LRRTM3: variants seen among roughly 807,000 people sequenced by gnomAD.
LRRTM3 encodes leucine rich repeat transmembrane neuronal 3.
In LRRTM3, 24 loss-of-function variants were observed where a neutral mutation model predicts 44.7. The ratio of observed to expected loss-of-function variants is 0.54; its 90% CI spans 0.39 to 0.76. The LOEUF is 0.76. Among genes scored for constraint, LRRTM3 ranks in the 30% least tolerant of loss-of-function variants. The probability of loss-of-function intolerance (pLI) is 0.00; values close to 1 mark genes in which losing one functional copy is unlikely to be tolerated. For missense variants in LRRTM3, 587 were observed against 702.2 expected (o/e 0.84, Z 1.85); for synonymous variants, 277 against 278.7 (o/e 0.99, Z 0.06).
intron 2 of LRRTM3, among the ~76,000 whole-genome samples, chr10:66,966,616 C>T (rs1589509883): frequency 6.6e-6 from 1 of 151,918 alleles, no homozygotes; most frequent in African/African-American, 2.4e-5. Flanking sequence ...ATAGATCATA[C>T]ACCTAATTTA....
At chr10:67,072,492 AC>A (rs1268164559) in intron 2 of LRRTM3, among the ~76,000 whole-genome samples, 1 of 152,172 alleles carries the variant, frequency 6.6e-6, no homozygotes, top group Non-Finnish European at 1.5e-5. Context: ...AGAATTCCAA[AC>A]GATATCTTCC....
chr10:66,994,906 C>G (rs564238480), intron 2 of LRRTM3, among the ~76,000 whole-genome samples: 1 of 152,270 alleles, frequency 6.6e-6, no homozygotes, highest in South Asian at 2.1e-4. Flanking sequence ...CCAAATGCAA[C>G]AAGTGGAAAA....
chr10:67,010,304 A>C (rs1462081716), intron 2 of LRRTM3, among the ~76,000 whole-genome samples: 1 of 152,214 alleles, frequency 6.6e-6, no homozygotes, highest in Non-Finnish European at 1.5e-5. Flanking sequence ...AGTTAGAATA[A>C]TCTTTGGATA....
intron 2 of LRRTM3, among the ~76,000 whole-genome samples, chr10:66,986,083 A>T (rs1364846466): frequency 6.6e-6 from 1 of 151,978 alleles, no homozygotes; most frequent in Non-Finnish European, 1.5e-5. Context: ...TTTTCTTTTT[A>T]GTTTGTGCAT....
chr10:67,031,752 A>T (rs948313692), intron 2 of LRRTM3, among the ~76,000 whole-genome samples: 1 of 152,166 alleles, frequency 6.6e-6, no homozygotes, highest in South Asian at 2.1e-4. Flanking sequence ...TGTGTTAAAG[A>T]TCTAAGAAAT....
intron 2 of LRRTM3, among the ~76,000 whole-genome samples, chr10:67,060,890 T>C (rs1855720258): frequency 6.6e-6 from 1 of 152,196 alleles, no homozygotes. Context: ...TTTTTTTAAA[T>C]TGTTTTTGAC....
intron 2 of LRRTM3, among the ~76,000 whole-genome samples, chr10:67,037,262 A>G (rs1401200808): frequency 4.6e-5 from 7 of 152,102 alleles, no homozygotes; most frequent in Non-Finnish European, 1.0e-4. Context: ...CTTTAGAGAT[A>G]TTTAATCATT....
intron 1 of LRRTM3, 26 bp from the exon 2 acceptor site, chr10:66,926,895 C>T: frequency 6.5e-7 from 1 of 1,531,132 alleles, no homozygotes; most frequent in Non-Finnish European, 8.8e-7. Context: ...GGGGGGATAA[C>T]TTTTCTAAGT....
intron 2 of LRRTM3, among the ~76,000 whole-genome samples, chr10:66,939,749 C>T (rs1358462711): frequency 6.6e-6 from 1 of 152,100 alleles, no homozygotes; most frequent in Non-Finnish European, 1.5e-5. Context: ...ACGTGATAAA[C>T]AAATTGAAAT....
chr10:67,016,226 A>G (rs1294688944), intron 2 of LRRTM3, among the ~76,000 whole-genome samples: 2 of 152,208 alleles, frequency 1.3e-5, no homozygotes, highest in Non-Finnish European at 2.9e-5. Context: ...CAACTGACCA[A>G]GTAGTACAAT....
intron 2 of LRRTM3, among the ~76,000 whole-genome samples, chr10:67,057,819 A>C: frequency 6.6e-6 from 1 of 152,124 alleles, no homozygotes; most frequent in East Asian, 1.9e-4. Flanking sequence ...CTCTTTTGCC[A>C]TCCCTTGAGG....
intron 2 of LRRTM3, among the ~76,000 whole-genome samples, chr10:66,939,297 A>G (rs912702592): frequency 2.0e-5 from 3 of 151,798 alleles, no homozygotes; most frequent in African/African-American, 7.3e-5. Context: ...TTTGCACTAC[A>G]TTTCTTTTTC....
chr10:67,064,330 T>C (rs547074207), intron 2 of LRRTM3, among the ~76,000 whole-genome samples: 1 of 152,326 alleles, frequency 6.6e-6, no homozygotes, highest in South Asian at 2.1e-4. Flanking sequence ...TTTTCTACAA[T>C]GATCCATCCC....
At chr10:67,079,052 C>T (rs909016880) in intron 2 of LRRTM3, among the ~76,000 whole-genome samples, 1 of 152,102 alleles carries the variant, frequency 6.6e-6, no homozygotes, top group Non-Finnish European at 1.5e-5. Flanking sequence ...AGAATGTACA[C>T]TATGAATTTC....
chr10:67,073,680 G>C (rs560084713), intron 2 of LRRTM3, among the ~76,000 whole-genome samples: 2 of 151,712 alleles, frequency 1.3e-5, no homozygotes, highest in African/African-American at 4.8e-5. Flanking sequence ...TATCTAGTGA[G>C]GTGTTTTTAA....
chr10:66,931,915 C>T (rs1367992946), intron 2 of LRRTM3, among the ~76,000 whole-genome samples: 1 of 152,122 alleles, frequency 6.6e-6, no homozygotes, highest in Non-Finnish European at 1.5e-5. Flanking sequence ...TAATATTTTT[C>T]ATCAGCAAGA....
At chr10:67,015,545 C>T (rs1852602287) in intron 2 of LRRTM3, 1 of 152,144 alleles carries the variant, frequency 6.6e-6, no homozygotes, top group African/African-American at 2.4e-5. Context: ...ATTCTCCTTA[C>T]ATGTAGCTGG....
At chr10:66,965,230 G>A (rs990963981) in intron 2 of LRRTM3, among the ~76,000 whole-genome samples, 2 of 150,838 alleles carry the variant, frequency 1.3e-5, no homozygotes, top group African/African-American at 2.4e-5. Flanking sequence ...GGTTTTTTTG[G>A]GGTTTTTTTG....
intron 2 of LRRTM3, among the ~76,000 whole-genome samples, chr10:66,958,119 A>G (rs1848918060): frequency 6.6e-6 from 1 of 152,110 alleles, no homozygotes; most frequent in African/African-American, 2.4e-5. Flanking sequence ...AACATTAAGA[A>G]TCTGAGCCAG....
Sources: gnomAD v4.1 joint callset for allele counts (sites outside exome capture counted in the v4.1 genomes callset) on GRCh38, gnomAD v4.1.1 for gene constraint, MANE v1.5 for transcripts, NCBI Gene and HGNC (gene_info 2026-07-23, HGNC 2026-07-21) for gene names.